AR: variants seen among roughly 807,000 people sequenced by gnomAD.
AR encodes the protein dihydrotestosterone receptor.
AR carries 8 observed loss-of-function variants against 53.9 expected under a neutral mutation model. The ratio of observed to expected loss-of-function variants is 0.15; its 90% CI spans 0.09 to 0.27. The LOEUF is 0.27. Among genes scored for constraint, AR ranks in the 10% least tolerant of loss-of-function variants. The pLI is 1.00. For missense variants in AR, 639 were observed against 742.5 expected, an observed-to-expected ratio of 0.86 and a Z score of 1.62; for synonymous variants, 359 against 316.4, an observed-to-expected ratio of 1.13 and a Z score of -1.43.
intron 3 of AR, among the ~76,000 whole-genome samples, chrX:67,700,820 T>C (rs924232673): frequency 1.8e-5 from 2 of 112,115 alleles, no homozygotes; most frequent in Non-Finnish European, 3.8e-5. Context: ...CGAGTCATCA[T>C]CCCAGGGAGA....
chrX:67,676,742 G>T (rs1360187323), intron 2 of AR, among the ~76,000 whole-genome samples: 1 of 111,801 alleles, frequency 8.9e-6, no homozygotes, highest in Non-Finnish European at 1.9e-5. Flanking sequence ...ACTTGAGGAA[G>T]AGAGGTGATA....
chrX:67,724,668 C>G lies in AR; in HGVS notation c.*827C>G. 5.7e-6 allele frequency: 1 copy of G among 175,906 alleles called. No homozygotes were observed. Among genetic ancestry groups the G allele is most frequent in the East Asian group, 8.0e-5 (1 of 12,469 alleles). 14.5% of individuals were successfully genotyped at this position (175,906 alleles called of 1,213,427 possible). ...CTCAACTGTGGAGCAATTCATTATA[C>G]TGAAAATGTGCTTGTTGTTGAAAAT... On this transcript the variant is annotated 3_prime_UTR_variant, in exon 8 of 8. Transcript: ENST00000374690.
intron 3 of AR, among the ~76,000 whole-genome samples, chrX:67,702,399 A>C (rs2076046418): frequency 1.8e-5 from 2 of 111,616 alleles, no homozygotes; most frequent in South Asian, 7.6e-4. Context: ...TCATGTTTGC[A>C]ATAAGCCCAC....
At chrX:67,616,840 C>A (rs144037337) in intron 1 of AR, among the ~76,000 whole-genome samples, 1,454 of 111,114 alleles carry the variant, frequency 0.013, 31 homozygotes, top group African/African-American at 0.045. Flanking sequence ...AACTGATAGA[C>A]AAATGGACCA....
intron 3 of AR, among the ~76,000 whole-genome samples, chrX:67,708,744 G>C (rs144380584): frequency 2.7e-5 from 3 of 111,392 alleles, no homozygotes; most frequent in Non-Finnish European, 5.7e-5. Context: ...CAGTTTTTCT[G>C]CTCTGTTTTT....
At chrX:67,589,345 A>G (rs192616302) in intron 1 of AR, among the ~76,000 whole-genome samples, 9 of 111,297 alleles carry the variant, frequency 8.1e-5, no homozygotes, top group African/African-American at 2.3e-4. Flanking sequence ...GGCCTCTTCT[A>G]TTTGTAAGTT....
At chrX:67,670,561 T>A in intron 2 of AR, among the ~76,000 whole-genome samples, 1 of 106,971 alleles carries the variant, frequency 9.3e-6, no homozygotes, top group Admixed American at 1.0e-4. Context: ...GTATAGTATA[T>A]ATATAATACA....
At chrX:67,635,183 A>G (rs1023824016) in intron 1 of AR, among the ~76,000 whole-genome samples, 2 of 111,445 alleles carry the variant, frequency 1.8e-5, no homozygotes, top group African/African-American at 3.3e-5. Context: ...AAGACTTACA[A>G]TGTGCCTACC....
intron 3 of AR, among the ~76,000 whole-genome samples, chrX:67,707,068 C>T (rs1039486717): frequency 8.9e-6 from 1 of 111,754 alleles, no homozygotes; most frequent in African/African-American, 3.3e-5. Context: ...TTACTTCCAA[C>T]TCAGTGGTCA....
intron 2 of AR, among the ~76,000 whole-genome samples, chrX:67,684,894 C>G (rs975873044): frequency 1.8e-5 from 2 of 110,835 alleles, no homozygotes; most frequent in Non-Finnish European, 3.8e-5. Context: ...TCTCAAATAT[C>G]AATCACTCTT....
chrX:67,660,200 A>G (rs943921482), intron 2 of AR, among the ~76,000 whole-genome samples: 2 of 112,198 alleles, frequency 1.8e-5, no homozygotes, highest in African/African-American at 6.5e-5. Flanking sequence ...TTTGCTATGC[A>G]GAAGTTCTTT....
At chrX:67,609,722 T>TATC (rs1265096049) in intron 1 of AR, among the ~76,000 whole-genome samples, 2 of 111,571 alleles carry the variant, frequency 1.8e-5, no homozygotes, top group African/African-American at 3.3e-5. Context: ...ACTTCATGTA[T>TATC]ATCAATTTTT....
chrX:67,612,857 A>G (rs1337301533), intron 1 of AR, among the ~76,000 whole-genome samples: 2 of 112,310 alleles, frequency 1.8e-5, no homozygotes, highest in Admixed American at 9.4e-5. Flanking sequence ...TCTTCAGGCA[A>G]GTGCAACCAA....
chrX:67,723,872 C>T lies in AR; in HGVS notation c.*31C>T, dbSNP rs2147541065. ...TGGAAACCCTATTTCCCCACCCCAG[C>T]TCATGCCCCCTTTCAGATGTCTTCT... is the stretch of plus-strand genomic sequence containing the variant. On this transcript the variant is annotated 3_prime_UTR_variant, in exon 8 of 8. Coordinates refer to ENST00000374690, the MANE Select transcript of AR (RefSeq NM_000044.6). The T allele has an allele frequency of 1.7e-6, 2 of 1,204,047 alleles. No homozygotes were observed. The highest frequency in any genetic ancestry group is 2.2e-6 in the Non-Finnish European group (2 of 891,943).
Position 67,655,735 on chromosome X carries a change from C to A in AR, c.1768+12328C>A, listed in dbSNP as rs143099096. Among the ~76,000 whole-genome samples, 123 of 111,145 alleles carry A rather than the reference C, an allele frequency of 1.1e-3. 2 individuals are homozygous for A. In the East Asian group the frequency reaches 0.03, roughly 27 times the overall value. On this transcript the variant is annotated intron_variant, in intron 2 of 7. Transcript: ENST00000374690. The stretch of plus-strand genomic sequence containing the variant: ...ACTGTAAAATAGGCATACAGATGAC[C>A]ACCCCCAGAGGATTCATAAGGATAA...
rs1029272802 is a variant in AR, at chrX:67,725,821, C to T, written c.*1980C>T. ...GGTGTGGCTCCAATACTTTGCCACC[C>T]ATGAACTCAGGGTGTGCCCTGGGAC... On this transcript the variant is annotated 3_prime_UTR_variant, in exon 8 of 8. Transcript: ENST00000374690. 1 of 174,090 alleles carries T rather than the reference C, an allele frequency of 5.7e-6. No homozygotes were observed. Among genetic ancestry groups the T allele is most frequent in the Non-Finnish European group, 1.1e-5 (1 of 91,542 alleles). 14.3% of individuals were successfully genotyped at this position (174,090 alleles called of 1,213,427 possible).
chrX:67,589,109 GTTAA>G (rs1056728115), intron 1 of AR, among the ~76,000 whole-genome samples: 1 of 112,190 alleles, frequency 8.9e-6, no homozygotes, highest in Non-Finnish European at 1.9e-5. Context: ...GAAGTCCACT[GTTAA>G]TTAGCCGGGC....
intron 3 of AR, among the ~76,000 whole-genome samples, chrX:67,687,549 C>G (rs973238307): frequency 9.0e-6 from 1 of 111,645 alleles, no homozygotes; most frequent in African/African-American, 3.3e-5. Flanking sequence ...CAAAGAAATC[C>G]AACAATTGAG....
chrX:67,684,935 A>T (rs1047221379), intron 2 of AR, among the ~76,000 whole-genome samples: 1 of 110,976 alleles, frequency 9.0e-6, no homozygotes, highest in African/African-American at 3.3e-5. Flanking sequence ...GACCACAAGC[A>T]TTCTTCCTCT....
Sources: gnomAD v4.1 joint callset for allele counts (sites outside exome capture counted in the v4.1 genomes callset) on GRCh38, gnomAD v4.1.1 for gene constraint, MANE v1.5 for transcripts, NCBI Gene and HGNC (gene_info 2026-07-23, HGNC 2026-07-21) for gene names.